The following KAZN variants were observed in gnomAD, a reference collection of about 807,000 sequenced individuals.
The protein encoded by KAZN is kazrin, periplakin interacting protein.
A neutral mutation model predicts 87.4 loss-of-function variants in KAZN; 40 were observed. The ratio of observed to expected loss-of-function variants is 0.46; its 90% CI spans 0.36 to 0.60. KAZN has a LOEUF of 0.60. Ranked by LOEUF, KAZN falls within the 20% of genes least tolerant of loss-of-function variation. KAZN has a pLI of 0.00. For missense variants in KAZN, 898 were observed against 1,073.9 expected (o/e 0.84, Z 2.29); for synonymous variants, 466 against 458.3 (o/e 1.02, Z -0.22).
At chr1:14,500,647 G>T (rs923654125) in intron 2 of KAZN, among the ~76,000 whole-genome samples, 2 of 151,970 alleles carry the variant, frequency 1.3e-5, no homozygotes, top group South Asian at 4.2e-4. Flanking sequence ...AGAGAAAATC[G>T]AAGAAACCAA....
intron 1 of KAZN, among the ~76,000 whole-genome samples, chr1:13,972,994 A>G (rs1437646554): frequency 1.3e-5 from 2 of 152,234 alleles, no homozygotes; most frequent in Admixed American, 6.5e-5. Flanking sequence ...TTTAGGTACA[A>G]TAAAAATATT....
chr1:14,011,103 A>G (rs1390001783), intron 1 of KAZN, among the ~76,000 whole-genome samples: 2 of 152,040 alleles, frequency 1.3e-5, no homozygotes, highest in Non-Finnish European at 2.9e-5. Context: ...CCCCAGACCA[A>G]GAGGCAAGAT....
chr1:14,479,434 C>G (rs1397538950), intron 2 of KAZN, among the ~76,000 whole-genome samples: 1 of 152,224 alleles, frequency 6.6e-6, no homozygotes, highest in Admixed American at 6.5e-5. Context: ...TCATAAGAAT[C>G]AATGGCCTGC....
At chr1:14,585,210 T>C (rs1303009819) in intron 2 of KAZN, among the ~76,000 whole-genome samples, 2 of 152,204 alleles carry the variant, frequency 1.3e-5, no homozygotes, top group Non-Finnish European at 2.9e-5. Flanking sequence ...TTAAGCCCCC[T>C]AGTCGGTGGT....
rs1048276892 is a variant in KAZN at position 15,099,312 on chromosome 1, T to C, written c.1548-2231T>C. ...TGTTTGGCAGTGAACGCAGTTTCTG[T>C]CCTGAATGAGCTTATCTGCTAAGGT... On this transcript the variant is annotated intron_variant, in intron 10 of 14. Transcript: ENST00000376030. This position sits in a 1 kb window ranked among gnomAD's most constrained non-coding sequence, Gnocchi z 5.4. Among the ~76,000 whole-genome samples the C allele has an allele frequency of 5.3e-5, 8 of 152,202 alleles. No individual in the cohort carries two copies. The East Asian group carries it at 9.6e-4, about 18-fold the overall frequency.
intron 1 of KAZN, among the ~76,000 whole-genome samples, chr1:14,023,707 A>G (rs1640946834): frequency 6.6e-6 from 1 of 152,218 alleles, no homozygotes; most frequent in Non-Finnish European, 1.5e-5. Flanking sequence ...GGGCCATCTT[A>G]ATAAGCAGTA....
intron 2 of KAZN, among the ~76,000 whole-genome samples, chr1:14,408,916 G>A (rs1430348949): frequency 2.0e-5 from 3 of 152,046 alleles, no homozygotes; most frequent in East Asian, 1.9e-4. Context: ...TGGAGGGGGG[G>A]CGTTGTTTTA....
At chr1:14,385,137 G>C (rs1661751412) in intron 2 of KAZN, among the ~76,000 whole-genome samples, 1 of 151,174 alleles carries the variant, frequency 6.6e-6, no homozygotes, top group African/African-American at 2.5e-5. Context: ...ATGGTAGTTT[G>C]TATTTCTGTG....
intron 1 of KAZN, among the ~76,000 whole-genome samples, chr1:14,119,436 G>A (rs79859959): frequency 1.3e-5 from 2 of 152,186 alleles, no homozygotes; most frequent in African/African-American, 2.4e-5. Flanking sequence ...GCTCAGGTGT[G>A]CCTGTGCCAT....
chr1:14,418,430 T>G (rs1665019527), intron 2 of KAZN, among the ~76,000 whole-genome samples: 1 of 152,186 alleles, frequency 6.6e-6, no homozygotes, highest in Non-Finnish European at 1.5e-5. Context: ...TGGCCACTAC[T>G]TTTATTATTA....
intron 2 of KAZN, among the ~76,000 whole-genome samples, chr1:14,347,066 G>A (rs1285036239): frequency 6.6e-6 from 1 of 152,188 alleles, no homozygotes; most frequent in Non-Finnish European, 1.5e-5. Context: ...GGAAATAGAT[G>A]TAGAAGACAT....
chr1:14,774,006 G>A (rs554743514), intron 1 of KAZN, among the ~76,000 whole-genome samples: 53 of 152,326 alleles, frequency 3.5e-4, no homozygotes, highest in African/African-American at 1.2e-3. Flanking sequence ...CTGTTCACCT[G>A]AGCTGCCGCC....
At chr1:14,134,200 A>T (rs759619522) in intron 1 of KAZN, among the ~76,000 whole-genome samples, 6 of 152,194 alleles carry the variant, frequency 3.9e-5, no homozygotes, top group Non-Finnish European at 7.3e-5. Context: ...AGAAAGTGGT[A>T]AGATAAAGTG....
At chr1:14,762,552 C>A (rs919217429) in intron 1 of KAZN, among the ~76,000 whole-genome samples, 1 of 151,918 alleles carries the variant, frequency 6.6e-6, no homozygotes, top group Admixed American at 6.6e-5. Flanking sequence ...GGTGAAACCC[C>A]GTCTCTACTA....
rs947540914 is a variant in KAZN at position 14,246,788 on chromosome 1, TG to T, written c.249+66197del. On this transcript the variant is annotated intron_variant, in intron 2 of 16. Coordinates refer to the KAZN transcript ENST00000636203. ...AAAATAAAATCGCACTTTATGTATT[TG>T]TCCATGACCTGCTTTTTTTTCAAAC... Among the ~76,000 whole-genome samples, 47 of 152,358 alleles carry T rather than the reference TG, an allele frequency of 3.1e-4. 1 individual carries two copies. Among genetic ancestry groups the T allele is most frequent in the South Asian group, 1.2e-3 (6 of 4,824 alleles).
intron 1 of KAZN, among the ~76,000 whole-genome samples, chr1:14,719,392 T>G (rs1026688867): frequency 9.9e-5 from 15 of 152,106 alleles, no homozygotes; most frequent in African/African-American, 3.6e-4. Context: ...GACAAAGAAT[T>G]TAGGCCATAG....
At chr1:14,301,545 C>T (rs1393924545) in intron 2 of KAZN, among the ~76,000 whole-genome samples, 3 of 152,202 alleles carry the variant, frequency 2.0e-5, no homozygotes, top group East Asian at 1.9e-4. Context: ...TCATGTGAGG[C>T]GCTGGCACCC....
At chr1:14,626,318 C>T (rs1331433560) in intron 1 of KAZN, among the ~76,000 whole-genome samples, 1 of 152,228 alleles carries the variant, frequency 6.6e-6, no homozygotes, top group Non-Finnish European at 1.5e-5. Flanking sequence ...TATAAAGCTT[C>T]AGCCATTAGC....
chr1:14,612,084 C>T (rs188402559), intron 1 of KAZN, among the ~76,000 whole-genome samples: 203 of 152,164 alleles, frequency 1.3e-3, no homozygotes, highest in African/African-American at 4.7e-3. Context: ...TGACCCAGCT[C>T]GACACACAGG....
Sources: gnomAD v4.1 joint callset for allele counts (sites outside exome capture counted in the v4.1 genomes callset) on GRCh38, gnomAD v4.1.1 for gene constraint, Gnocchi (gnomAD v3.1) non-coding constraint, MANE v1.5 for transcripts, NCBI Gene and HGNC (gene_info 2026-07-23, HGNC 2026-07-21) for gene names.